Variants in LAT2 observed in about 807,000 individuals in gnomAD.
LAT2 encodes the protein linker for activation of T-cells family member 2.
Under a neutral mutation model 43.4 loss-of-function variants are expected in LAT2, and 23 were observed. The observed-to-expected ratio is 0.53, with a 90% confidence interval of 0.38 to 0.75. The LOEUF (loss-of-function observed/expected upper bound fraction) is 0.75, where lower values mean the gene tolerates loss of function less well. LAT2 is among the 30% of genes least tolerant of loss of function. The pLI is 0.00. For missense variants in LAT2, 284 were observed against 310.2 expected, an observed-to-expected ratio of 0.92 and a Z score of 0.64; for synonymous variants, 128 against 123.2, an observed-to-expected ratio of 1.04 and a Z score of -0.26.
chr7:74,215,996 G>T lies in LAT2; in HGVS notation c.21G>T (p.Leu7=), dbSNP rs1554714208. The T allele has an allele frequency of 6.2e-7, 1 of 1,614,090 alleles. No homozygotes were observed. Among genetic ancestry groups the T allele is most frequent in the Non-Finnish European group, 8.5e-7 (1 of 1,180,008 alleles). The part of the protein sequence containing the change: MSSGTE[L]LWPGAALLVL... Reference sequence around the variant, plus strand: ...CCAACATGAGCTCGGGGACTGAACTGCTGTGGCCCGGAGCAGCGCTGCTGG... The same window carrying T: ...CCAACATGAGCTCGGGGACTGAACTTCTGTGGCCCGGAGCAGCGCTGCTGG... The change falls in exon 3 of 14, where the codon CTG becomes CTT. Residue 7 remains leucine (L), a synonymous_variant. Coordinates refer to ENST00000460943, the MANE Select transcript of LAT2 (RefSeq NM_032464.3).
chr7:74,222,919 T>C (rs1563975270), intron 10 of LAT2, among the ~76,000 whole-genome samples: 1 of 152,170 alleles, frequency 6.6e-6, no homozygotes, highest in Non-Finnish European at 1.5e-5. Context: ...TGATGGATTT[T>C]GGGTGGGGCA....
At chr7:74,228,069 G>A (rs558450878) in intron 13 of LAT2, among the ~76,000 whole-genome samples, 10 of 150,092 alleles carry the variant, frequency 6.7e-5, no homozygotes, top group South Asian at 2.1e-4. Flanking sequence ...CCAGCTACTC[G>A]GGAGGCTGAG....
chr7:74,225,220 T>C, intron 13 of LAT2: 1 of 156,456 alleles, frequency 6.4e-6, no homozygotes, highest in South Asian at 1.9e-4. Context: ...TGGTGAAACT[T>C]CATCTCTACT....
chr7:74,218,195 G>A (rs1802113426), intron 4 of LAT2, among the ~76,000 whole-genome samples: 1 of 152,190 alleles, frequency 6.6e-6, no homozygotes, highest in African/African-American at 2.4e-5. Context: ...TGTCACCTCG[G>A]TTGGGCTCAG....
At chr7:74,212,422 C>G (rs1271445866) in intron 1 of LAT2, among the ~76,000 whole-genome samples, 1 of 152,058 alleles carries the variant, frequency 6.6e-6, no homozygotes, top group Admixed American at 6.6e-5. Context: ...GCTGGAATTA[C>G]AGGCTTGCAC....
At chr7:74,222,644 G>A (rs1468345755) in intron 10 of LAT2, among the ~76,000 whole-genome samples, 1 of 151,720 alleles carries the variant, frequency 6.6e-6, no homozygotes, top group Non-Finnish European at 1.5e-5. Context: ...CACGATCTTG[G>A]TTCACTGCAA....
intron 1 of LAT2, among the ~76,000 whole-genome samples, chr7:74,213,616 G>T (rs754202641): frequency 6.6e-6 from 1 of 151,738 alleles, no homozygotes; most frequent in Non-Finnish European, 1.5e-5. Context: ...GTAGAGATGG[G>T]GTTTCACCAT....
At chr7:74,214,115 AAT>A (rs1376692730) in intron 1 of LAT2, among the ~76,000 whole-genome samples, 46 of 104,684 alleles carry the variant, frequency 4.4e-4, no homozygotes, top group South Asian at 2.1e-3. Context: ...TATATATGAA[AAT>A]ATATATATAA....
intron 10 of LAT2, among the ~76,000 whole-genome samples, chr7:74,222,867 G>A (rs555958810): frequency 7.2e-5 from 11 of 152,220 alleles, no homozygotes; most frequent in African/African-American, 1.2e-4. Flanking sequence ...GAGCCACCCC[G>A]CCAGGCTGGC....
chr7:74,223,297 C>G (rs1227124127), intron 10 of LAT2, among the ~76,000 whole-genome samples: 1 of 152,224 alleles, frequency 6.6e-6, no homozygotes, highest in African/African-American at 2.4e-5. Flanking sequence ...TCAAGACCAG[C>G]CTGGGCAACA....
At chr7:74,227,816 T>C (rs1420305331) in intron 13 of LAT2, among the ~76,000 whole-genome samples, 2 of 152,058 alleles carry the variant, frequency 1.3e-5, no homozygotes, top group Non-Finnish European at 2.9e-5. Context: ...AGCTGCTGTG[T>C]GAGCTGTGAT....
At position 74,220,649 on chromosome 7, in the gene LAT2, C is replaced by T. The variant is rs1554715063; in HGVS notation, c.301+30C>T. Reference sequence around the variant, plus strand: ...GTAGGCTCCTGGAGAAAGGGGGAGGCCATGGTGGGGGCCACACCCAGGGGC... The same window carrying T: ...GTAGGCTCCTGGAGAAAGGGGGAGGTCATGGTGGGGGCCACACCCAGGGGC... On this transcript the variant is annotated intron_variant, in intron 8 of 13. Coordinates refer to ENST00000460943, the MANE Select transcript of LAT2 (RefSeq NM_032464.3). This position sits in a 1 kb window ranked among gnomAD's most constrained non-coding sequence, Gnocchi z 4.5. 1.2e-6 allele frequency: 2 copies of T among 1,613,912 alleles called. No individual in the cohort carries two copies. The highest frequency in any genetic ancestry group is 1.7e-6 in the Non-Finnish European group (2 of 1,179,914).
chr7:74,227,055 CT>C (rs35992128), intron 13 of LAT2, among the ~76,000 whole-genome samples: 39,629 of 133,670 alleles, frequency 0.3, 5,600 homozygotes, highest in Admixed American at 0.33. Context: ...GTTGTTTTTT[CT>C]TTTTTTTTTT....
intron 1 of LAT2, among the ~76,000 whole-genome samples, chr7:74,212,861 C>T (rs985650127): frequency 6.6e-6 from 1 of 152,184 alleles, no homozygotes; most frequent in Non-Finnish European, 1.5e-5. Context: ...TCACACGGCT[C>T]AGAAATTCAC....
In LAT2 at chr7:74,216,054, C is replaced by A. The variant is rs200742563; in HGVS notation, c.79C>A (p.Arg27Ser). 6.2e-7 allele frequency: 1 copy of A among 1,611,888 alleles called. No homozygotes were observed. Among genetic ancestry groups the A allele is most frequent in the Non-Finnish European group, 8.5e-7 (1 of 1,179,218 alleles). The change falls in exon 3 of 14, where the codon CGC becomes AGC. Residue 27 changes from arginine (R) to serine (S), a missense_variant. By Grantham distance (110) the Arg-to-Ser change is moderately radical (BLOSUM62 -1). Transcript: ENST00000460943. The part of the protein sequence containing the change: ...LLGVAASLCV[R>S]CSRPGAKRSE... ...GGGGGTGGCAGCCAGTCTGTGTGTG[C>A]GCTGCTCACGCCCAGGTAAGCGGGG...
chr7:74,211,048 CGTT>C (rs1318151222), intron 1 of LAT2, among the ~76,000 whole-genome samples: 22 of 152,148 alleles, frequency 1.4e-4, no homozygotes, highest in African/African-American at 5.1e-4. Context: ...TCTTGGCAAT[CGTT>C]GTTCATATGA....
chr7:74,216,233 AC>A (rs1802042671), intron 3 of LAT2, among the ~76,000 whole-genome samples, 164 bp downstream of exon 3: 1 of 151,722 alleles, frequency 6.6e-6, no homozygotes, highest in Admixed American at 6.6e-5. Context: ...GGTCAGGTGC[AC>A]CCGAGGGCTT....
intron 1 of LAT2, among the ~76,000 whole-genome samples, chr7:74,212,912 G>T (rs1160278454): frequency 1.3e-5 from 2 of 152,176 alleles, no homozygotes; most frequent in Admixed American, 1.3e-4. Flanking sequence ...GAGAGGCCTG[G>T]TGGCTTCTCT....
chr7:74,224,283 C>A, intron 12 of LAT2, 86 bp downstream of exon 12: 1 of 1,404,824 alleles, frequency 7.1e-7, no homozygotes, highest in Non-Finnish European at 9.9e-7. Flanking sequence ...AAGTGGGCTT[C>A]CCTCCAGCCA....
Sources: gnomAD v4.1 joint callset for allele counts (sites outside exome capture counted in the v4.1 genomes callset) on GRCh38, gnomAD v4.1.1 for gene constraint, Gnocchi (gnomAD v3.1) non-coding constraint, MANE v1.5 for transcripts, NCBI Gene and HGNC (gene_info 2026-07-23, HGNC 2026-07-21) for gene names.